Variants in LRCH1 observed in about 807,000 individuals in gnomAD.
LRCH1 encodes the protein leucine rich repeats and calponin homology domain containing 1, also known as leucine-rich repeat and calponin homology domain-containing protein 1.
Under a neutral mutation model 94.9 loss-of-function variants are expected in LRCH1, and 23 were observed. That is an observed-to-expected ratio of 0.24 (90% CI 0.17 to 0.34). The LOEUF (loss-of-function observed/expected upper bound fraction) is 0.34. Among genes scored for constraint, LRCH1 ranks in the 10% least tolerant of loss-of-function variants. LRCH1 has a pLI of 1.00. For synonymous variants in LRCH1, 364 were observed against 354.9 expected, an observed-to-expected ratio of 1.03 and a Z score of -0.29; for missense variants, 790 against 945.9, an observed-to-expected ratio of 0.84 and a Z score of 2.16.
At chr13:46,654,638 A>T (rs1311703985) in intron 2 of LRCH1, among the ~76,000 whole-genome samples, 1 of 152,200 alleles carries the variant, frequency 6.6e-6, no homozygotes, top group Admixed American at 6.5e-5. Context: ...ATTAATTTTG[A>T]TGTATGGGGA....
chr13:46,650,363 G>T lies in LRCH1; in HGVS notation c.452+18G>T. 1 of 1,540,730 alleles carries T rather than the reference G, an allele frequency of 6.5e-7. No homozygotes were observed. The highest frequency in any genetic ancestry group is 2.0e-5 in the Admixed American group (1 of 48,978). On this transcript the variant is annotated intron_variant, in intron 2 of 19. Transcript: ENST00000389797. ...AACTTGAGGTAGGTTAAACATAAAAGTTGTAATCAAATTCAGTGAAAGAAA... is the reference window on the plus strand; with the variant it reads ...AACTTGAGGTAGGTTAAACATAAAATTTGTAATCAAATTCAGTGAAAGAAA...
intron 1 of LRCH1, among the ~76,000 whole-genome samples, chr13:46,581,478 C>T (rs1366279217): frequency 7.9e-5 from 12 of 152,166 alleles, no homozygotes; most frequent in Admixed American, 7.9e-4. Flanking sequence ...GAATAGCTGG[C>T]GTCCAGTGAA....
At chr13:46,715,512 TG>T in intron 15 of LRCH1, 47 bp from the exon 16 acceptor site, 1 of 1,115,186 alleles carries the variant, frequency 9.0e-7, no homozygotes. Flanking sequence ...TGGTTTTTCC[TG>T]GTCCTTGTGC....
At chr13:46,570,481 G>C (rs1459966999) in intron 1 of LRCH1, among the ~76,000 whole-genome samples, 1 of 152,210 alleles carries the variant, frequency 6.6e-6, no homozygotes, top group South Asian at 2.1e-4. Flanking sequence ...GCGCTGATTA[G>C]TGGAGAGATA....
At chr13:46,603,492 G>A (rs931423347) in intron 1 of LRCH1, among the ~76,000 whole-genome samples, 1 of 152,150 alleles carries the variant, frequency 6.6e-6, no homozygotes, top group Non-Finnish European at 1.5e-5. Context: ...ACTAAAGCCA[G>A]TAATTAAGTG....
intron 7 of LRCH1, among the ~76,000 whole-genome samples, chr13:46,689,700 G>T (rs1212267128): frequency 1.6e-5 from 2 of 127,108 alleles, no homozygotes; most frequent in Middle Eastern, 3.5e-3. Flanking sequence ...GTTTTCCTCA[G>T]ACTCTTAGAT....
Position 46,687,755 on chromosome 13 carries a change from A to C in LRCH1, c.823-97A>C, listed in dbSNP as rs561186103. The stretch of plus-strand genomic sequence containing the variant: ...CATTGGTAGGGTGTTACTTAAAATG[A>C]AACTGGGAAAATTGAAATATACAGA... On this transcript the variant is annotated intron_variant, in intron 5 of 19. Coordinates refer to ENST00000389797, the MANE Select transcript of LRCH1 (RefSeq NM_001164211.2). The C allele has an allele frequency of 9.8e-6, 10 of 1,019,048 alleles. No individual in the cohort carries two copies. The East Asian group carries it at 1.9e-4, about 19-fold the overall frequency. The allele number at this position is 1,019,048 out of a possible 1,614,324, so 63.1% of individuals were successfully genotyped here.
At chr13:46,735,220 A>G (rs1446154064) in intron 19 of LRCH1, among the ~76,000 whole-genome samples, 1 of 152,228 alleles carries the variant, frequency 6.6e-6, no homozygotes, top group Non-Finnish European at 1.5e-5. Flanking sequence ...TAATCTGTCT[A>G]TTGTGTGTGT....
At chr13:46,745,895 G>T (rs1362212049), downstream of LRCH1, among the ~76,000 whole-genome samples, 1 of 152,144 alleles carries the variant, frequency 6.6e-6, no homozygotes, top group Non-Finnish European at 1.5e-5. Flanking sequence ...TTCCCAGCAG[G>T]TGTTTCCTGC....
chr13:46,745,889 C>A (rs1424164270), downstream of LRCH1, among the ~76,000 whole-genome samples: 2 of 152,092 alleles, frequency 1.3e-5, no homozygotes, highest in East Asian at 3.9e-4. Context: ...ATCCTGTTCC[C>A]AGCAGGTGTT....
intron 1 of LRCH1, among the ~76,000 whole-genome samples, chr13:46,579,033 A>G (rs1202654193): frequency 6.6e-6 from 1 of 152,168 alleles, no homozygotes; most frequent in Non-Finnish European, 1.5e-5. Flanking sequence ...CCTGGTGTGT[A>G]GGTGGTGGGA....
At chr13:46,606,508 TAC>T (rs1298332716) in intron 1 of LRCH1, among the ~76,000 whole-genome samples, 4 of 152,192 alleles carry the variant, frequency 2.6e-5, no homozygotes, top group Non-Finnish European at 4.4e-5. Context: ...GATTTTAACT[TAC>T]AGAGATGACT....
chr13:46,651,927 G>T (rs1185521515), intron 2 of LRCH1, among the ~76,000 whole-genome samples: 2 of 132,710 alleles, frequency 1.5e-5, no homozygotes, highest in African/African-American at 2.9e-5. Context: ...TTGCTCTGTC[G>T]CCCAGGCTGG....
intron 1 of LRCH1, among the ~76,000 whole-genome samples, chr13:46,630,963 C>T (rs1331725069): frequency 6.6e-6 from 1 of 152,206 alleles, no homozygotes; most frequent in African/African-American, 2.4e-5. Context: ...CATATGTGCT[C>T]TCTAGATCTG....
At chr13:46,578,202 G>C (rs1467366732) in intron 1 of LRCH1, among the ~76,000 whole-genome samples, 3 of 152,186 alleles carry the variant, frequency 2.0e-5, no homozygotes, top group Non-Finnish European at 2.9e-5. Context: ...ATGGAACTGT[G>C]GTCGTCTGTG....
intron 17 of LRCH1, among the ~76,000 whole-genome samples, chr13:46,723,783 A>G (rs1212635244): frequency 6.6e-6 from 1 of 152,070 alleles, no homozygotes; most frequent in Non-Finnish European, 1.5e-5. Flanking sequence ...CTGGGTGACA[A>G]CAGTGAGAAC....
chr13:46,558,115 G>T (rs932709838), intron 1 of LRCH1, among the ~76,000 whole-genome samples: 1 of 152,126 alleles, frequency 6.6e-6, no homozygotes, highest in Non-Finnish European at 1.5e-5. Flanking sequence ...ATATTGAAGT[G>T]CAGCATTAAA....
downstream of LRCH1, among the ~76,000 whole-genome samples, chr13:46,747,741 A>ATTT (rs111283853): frequency 2.1e-5 from 3 of 144,550 alleles, no homozygotes; most frequent in African/African-American, 7.6e-5. Flanking sequence ...ATGCTTTGTA[A>ATTT]TTTTTTTTTT....
At chr13:46,648,446 C>T (rs2051250849) in intron 1 of LRCH1, among the ~76,000 whole-genome samples, 1 of 152,190 alleles carries the variant, frequency 6.6e-6, no homozygotes, top group South Asian at 2.1e-4. Context: ...ATGCCATTGA[C>T]CTTCCCATCT....
Sources: allele counts gnomAD v4.1 joint callset (sites outside exome capture counted in the v4.1 genomes callset), GRCh38; gene constraint gnomAD v4.1.1; transcripts MANE v1.5; gene names NCBI Gene and HGNC (gene_info 2026-07-23, HGNC 2026-07-21).